The following NF1 variants were observed in gnomAD, a reference collection of about 807,000 sequenced individuals.
NF1 encodes the protein neurofibromin.
In NF1, 122 loss-of-function variants were observed where a neutral mutation model predicts 325.7. The ratio of observed to expected loss-of-function variants is 0.37; its 90% CI spans 0.32 to 0.44. The LOEUF (loss-of-function observed/expected upper bound fraction) is 0.44. Among genes scored for constraint, NF1 ranks in the 20% least tolerant of loss-of-function variants. The pLI, the probability that NF1 is intolerant of heterozygous loss-of-function variation, is 1.00. For synonymous variants in NF1, 1,091 were observed against 1,186.0 expected (o/e 0.92, Z 1.65); for missense variants, 2,140 against 3,415.4 (o/e 0.63, Z 9.31).
chr17:31,147,248 C>T (rs1916641806), intron 1 of NF1, among the ~76,000 whole-genome samples: 1 of 152,126 alleles, frequency 6.6e-6, no homozygotes, highest in Admixed American at 6.5e-5. Flanking sequence ...CACTGTTTTC[C>T]AGGGATCTAT....
chr17:31,227,617 A>G lies in NF1; in HGVS notation c.2409+11A>G, dbSNP rs2067039832. 1 of 1,612,036 alleles carries G rather than the reference A, an allele frequency of 6.2e-7. No individual in the cohort carries two copies. Among genetic ancestry groups the G allele is most frequent in the African/African-American group, 1.3e-5 (1 of 74,970 alleles). On this transcript the variant is annotated intron_variant, in intron 20 of 57. Coordinates refer to ENST00000358273, the MANE Select transcript of NF1 (RefSeq NM_001042492.3). ...ATGGAAGATGGCCAGGTAAGTCTGT[A>G]AAGTTGACTTTTGTCTGTTAACTGA...
chr17:31,287,162 G>A (rs527566154), intron 36 of NF1, among the ~76,000 whole-genome samples: 14 of 152,174 alleles, frequency 9.2e-5, no homozygotes, highest in Non-Finnish European at 2.1e-4. Context: ...TCAGATATAT[G>A]AGAAATTATT....
intron 5 of NF1, among the ~76,000 whole-genome samples, chr17:31,171,466 A>T (rs1163237237): frequency 6.6e-6 from 1 of 152,174 alleles, no homozygotes; most frequent in African/African-American, 2.4e-5. Flanking sequence ...TGTTTTGGAA[A>T]CAAGTCTAGT....
At chr17:31,367,830 T>G (rs1424676988) in intron 57 of NF1, among the ~76,000 whole-genome samples, 1 of 152,000 alleles carries the variant, frequency 6.6e-6, no homozygotes, top group Non-Finnish European at 1.5e-5. Flanking sequence ...GGCAAAACCC[T>G]CTTTCTACAA....
At chr17:31,337,620 CT>C (rs768337478) in intron 43 of NF1, 38 bp downstream of exon 43, 3 of 1,582,360 alleles carry the variant, frequency 1.9e-6, no homozygotes, top group African/African-American at 2.7e-5. Context: ...AAGTTAAAAT[CT>C]TTTTTTAAAA....
chr17:31,316,675 A>G (rs566259633), intron 36 of NF1, among the ~76,000 whole-genome samples: 2 of 152,162 alleles, frequency 1.3e-5, no homozygotes, highest in East Asian at 3.9e-4. Flanking sequence ...AATCTGGGTT[A>G]TTTTTCCCCT....
intron 29 of NF1, among the ~76,000 whole-genome samples, chr17:31,241,326 G>C (rs1417510713): frequency 6.6e-6 from 1 of 152,114 alleles, no homozygotes; most frequent in Non-Finnish European, 1.5e-5. Context: ...TTTGATTGGA[G>C]AATTTAGTCC....
intron 5 of NF1, among the ~76,000 whole-genome samples, chr17:31,176,279 A>T (rs2066021797): frequency 6.6e-6 from 1 of 152,158 alleles, no homozygotes; most frequent in Non-Finnish European, 1.5e-5. Flanking sequence ...ACCAGTGATA[A>T]TGAGCTTTTC....
At chr17:31,370,334 A>G (rs2070610935) in intron 57 of NF1, among the ~76,000 whole-genome samples, 1 of 152,204 alleles carries the variant, frequency 6.6e-6, no homozygotes, top group South Asian at 2.1e-4. Context: ...AAAATTCAGA[A>G]AAATAAAAGG....
chr17:31,297,340 C>T (rs2068488150), intron 36 of NF1: 1 of 152,172 alleles, frequency 6.6e-6, no homozygotes, highest in Admixed American at 6.6e-5. Flanking sequence ...GCAGAGCTGT[C>T]GCTGGTGCTG....
At position 31,253,165 on chromosome 17, in the gene NF1, A is replaced by G. The variant is rs1026064645; in HGVS notation, c.4173+165A>G. On this transcript the variant is annotated intron_variant, in intron 31 of 57. Coordinates refer to ENST00000358273, the MANE Select transcript of NF1 (RefSeq NM_001042492.3). Reference sequence around the variant, plus strand: ...TTCATTTCAATTAACCCTGGAATTAAGTTACATTGAAACATTCTCTGTGTT... The same window carrying G: ...TTCATTTCAATTAACCCTGGAATTAGGTTACATTGAAACATTCTCTGTGTT... The G allele has an allele frequency of 1.3e-5, 8 of 626,084 alleles. No individual in the cohort carries two copies. The East Asian group carries it at 2.2e-4, about 18-fold the overall frequency. 38.8% of individuals were successfully genotyped at this position (626,084 alleles called of 1,614,324 possible). A position where few individuals can be genotyped will look rare whatever the true frequency, so the allele number is the denominator to read the frequency against.
chr17:31,225,349 T>C, intron 17 of NF1, 99 bp downstream of exon 17: 2 of 1,322,942 alleles, frequency 1.5e-6, no homozygotes, highest in South Asian at 1.2e-5. Context: ...AGTGTAATAG[T>C]GAAAAACTGC....
intron 34 of NF1, 74 bp downstream of exon 34, chr17:31,260,589 A>G: frequency 6.6e-7 from 1 of 1,524,820 alleles, no homozygotes; most frequent in Non-Finnish European, 9.1e-7. Flanking sequence ...TTGGTCATGA[A>G]TAGTGCTTTT....
chr17:31,153,787 T>TA (rs1917116071), intron 1 of NF1, among the ~76,000 whole-genome samples: 1 of 151,554 alleles, frequency 6.6e-6, no homozygotes, highest in African/African-American at 2.4e-5. Flanking sequence ...TTTTTTTTTT[T>TA]TTTTAAAGTA....
Position 31,341,207 on chromosome 17 carries a change from A to G in NF1, c.7062+562A>G, listed in dbSNP as rs17881542. On this transcript the variant is annotated intron_variant, in intron 47 of 57. Transcript: ENST00000358273. ...GGTACTTAATTTTACTAGTTTTTTTATTCTGTCTAATCTTACTTTAAAATA... is the reference window on the plus strand; with the variant it reads ...GGTACTTAATTTTACTAGTTTTTTTGTTCTGTCTAATCTTACTTTAAAATA... 8.2e-3 allele frequency among the ~76,000 whole-genome samples: 1,242 copies of G among 152,182 alleles called. 13 individuals carry two copies. Among genetic ancestry groups the G allele is most frequent in the African/African-American group, 0.026 (1,098 of 41,522 alleles).
chr17:31,330,261 C>G lies in NF1; in HGVS notation c.5610-35C>G, dbSNP rs201752443. The G allele has an allele frequency of 7.3e-5, 117 of 1,597,156 alleles. No individual in the cohort carries two copies. The Middle Eastern group carries it at 1.2e-3, about 16-fold the overall frequency. On this transcript the variant is annotated intron_variant, in intron 38 of 57. Coordinates refer to ENST00000358273, the MANE Select transcript of NF1 (RefSeq NM_001042492.3). ...AATTTTGGAACTATAAGGAAAAATACGTTTTAAAACAACTTCATTTGTGTT... is the reference window on the plus strand; with the variant it reads ...AATTTTGGAACTATAAGGAAAAATAGGTTTTAAAACAACTTCATTTGTGTT...
At chr17:31,265,389 G>A in intron 36 of NF1, 50 bp downstream of exon 36, 1 of 1,361,118 alleles carries the variant, frequency 7.3e-7, no homozygotes, top group Non-Finnish European at 1.0e-6. Flanking sequence ...TTAAATTATA[G>A]CAAATATAGA....
intron 4 of NF1, among the ~76,000 whole-genome samples, chr17:31,168,130 T>A (rs2065874403): frequency 6.6e-6 from 1 of 152,300 alleles, no homozygotes; most frequent in Non-Finnish European, 1.5e-5. Context: ...ATTGGAAATA[T>A]GAATTTTTAA....
chr17:31,261,107 G>T (rs1486356301), intron 34 of NF1, among the ~76,000 whole-genome samples: 1 of 151,980 alleles, frequency 6.6e-6, no homozygotes, highest in Non-Finnish European at 1.5e-5. Flanking sequence ...GCTGGGCATG[G>T]TGGCAGGGGC....
Sources: gnomAD v4.1 joint callset for allele counts (sites outside exome capture counted in the v4.1 genomes callset) on GRCh38, gnomAD v4.1.1 for gene constraint, MANE v1.5 for transcripts, NCBI Gene and HGNC (gene_info 2026-07-23, HGNC 2026-07-21) for gene names.